Variants in TMPRSS6 observed in about 807,000 individuals in gnomAD.
TMPRSS6 encodes transmembrane serine protease 6, also known as transmembrane protease serine 6.
Under a neutral mutation model 101.5 loss-of-function variants are expected in TMPRSS6, and 67 were observed. That is an observed-to-expected ratio of 0.66 (90% CI 0.54 to 0.81). TMPRSS6 has a LOEUF of 0.81. Ranked by LOEUF, TMPRSS6 falls within the 30% of genes least tolerant of loss-of-function variation. The pLI, the probability that TMPRSS6 is intolerant of heterozygous loss-of-function variation, is 0.00. For missense variants in TMPRSS6, 1,034 were observed against 1,088.7 expected (o/e 0.95, Z 0.71); for synonymous variants, 453 against 464.9 (o/e 0.97, Z 0.33).
intron 6 of TMPRSS6, among the ~76,000 whole-genome samples, chr22:37,092,157 C>A (rs1438189198): frequency 3.3e-5 from 5 of 150,920 alleles, no homozygotes; most frequent in Non-Finnish European, 7.4e-5. Flanking sequence ...ATCAGAAACA[C>A]CTTCAGGGAG....
rs184024899 is a variant in TMPRSS6, at chr22:37,070,922, G to T, written c.1666C>A (p.His556Asn). ...GCAGCCAGGCAGGGCTCACCACAGT[G>T]CTCCTCATCCGAGCCGTCCCTGCAG... ...PDCRDGSDEE[H>N]CDCGLQGPSS... The change falls in exon 14 of 18, where the codon CAC becomes AAC. Residue 556 changes from histidine (H) to asparagine (N), a missense_variant. Physicochemically the swap from His to Asn is moderately conservative, Grantham distance 68. Transcript: ENST00000676104. 1 of 1,612,982 alleles carries T rather than the reference G, an allele frequency of 6.2e-7. No homozygotes were observed. The highest frequency in any genetic ancestry group is 8.5e-7 in the Non-Finnish European group (1 of 1,179,962).
upstream of TMPRSS6, among the ~76,000 whole-genome samples, chr22:37,109,744 A>AAG (rs919975038): frequency 1.2e-4 from 18 of 152,160 alleles, no homozygotes; most frequent in African/African-American, 4.3e-4. Context: ...GAGGTAGGAG[A>AAG]AGGCAGTGCC....
At chr22:37,089,881 G>C in intron 6 of TMPRSS6, 99 bp from the exon 7 acceptor site, 1 of 1,255,770 alleles carries the variant, frequency 8.0e-7, no homozygotes, top group Non-Finnish European at 1.1e-6. Context: ...AGGCAGGATG[G>C]GCTGGGCAGG....
chr22:37,084,098 C>T lies in TMPRSS6; in HGVS notation c.1196+197G>A, dbSNP rs557343746. 281 of 621,606 alleles carry T rather than the reference C, an allele frequency of 4.5e-4. 2 individuals carry two copies. Among genetic ancestry groups the T allele is most frequent in the South Asian group, 3.9e-3 (197 of 51,120 alleles). 38.5% of individuals were successfully genotyped at this position (621,606 alleles called of 1,614,324 possible). On this transcript the variant is annotated intron_variant, in intron 10 of 17. Coordinates refer to ENST00000676104, the MANE Select transcript of TMPRSS6 (RefSeq NM_001374504.1). ...CCTCTGGGGTAGCCAGAGGGGAAGC[C>T]GGGGCCAGGGCGGAGGCTGGGACGA...
intron 13 of TMPRSS6, among the ~76,000 whole-genome samples, chr22:37,072,678 ATGATGGATGGATGGG>A (rs1927186728): frequency 1.6e-5 from 2 of 122,742 alleles, no homozygotes; most frequent in African/African-American, 8.2e-5. Flanking sequence ...GGATGGATGG[ATGATGGATGGATGGG>A]TGATGGACGG....
chr22:37,088,605 AC>A (rs927132125), intron 7 of TMPRSS6, among the ~76,000 whole-genome samples: 4 of 143,662 alleles, frequency 2.8e-5, no homozygotes, highest in Non-Finnish European at 6.1e-5. Flanking sequence ...CCTCCTCCCC[AC>A]CCCCAACCAC....
At chr22:37,086,490 G>C in intron 7 of TMPRSS6, 71 bp from the exon 8 acceptor site, 1 of 1,514,616 alleles carries the variant, frequency 6.6e-7, no homozygotes, top group South Asian at 1.2e-5. Context: ...GCGGCAGGCG[G>C]CTGCTGGGGG....
rs1930540109 is a variant in TMPRSS6, at chr22:37,103,797, T to G, written c.-1-379A>C. 1.7e-6 allele frequency: 1 copy of G among 595,110 alleles called. No homozygotes were observed. The highest frequency in any genetic ancestry group is 2.9e-5 in the East Asian group (1 of 35,040). 36.9% of individuals were successfully genotyped at this position (595,110 alleles called of 1,614,324 possible). On this transcript the variant is annotated intron_variant, in intron 1 of 17. Transcript: ENST00000676104. This position sits in a 1 kb window ranked among gnomAD's most constrained non-coding sequence, Gnocchi z 4.4. ...TGCAGACTTCTGTAGACATCTGACCTCTTGCCCTCATTTCCCGTCCACGCA... is the reference window on the plus strand; with the variant it reads ...TGCAGACTTCTGTAGACATCTGACCGCTTGCCCTCATTTCCCGTCCACGCA...
chr22:37,066,890 C>T lies in TMPRSS6; in HGVS notation c.2186G>A (p.Arg729His), dbSNP rs565147556. ...CAGCATGCGTGGCGTCACCTGGTAG[C>T]GATAGACCTCGCTGCACAGGTCCTG... ...IPQDLCSEVYRYQVTPRMLCA... is the reference protein window; with the variant it reads ...IPQDLCSEVYHYQVTPRMLCA... The change falls in exon 17 of 18, where the codon CGC (arginine) becomes CAC (histidine). Residue 729 changes from arginine (R) to histidine (H), a missense_variant. Physicochemically the swap from Arg to His is conservative, Grantham distance 29. Coordinates refer to ENST00000676104, the MANE Select transcript of TMPRSS6 (RefSeq NM_001374504.1). 1.8e-5 allele frequency: 29 copies of T among 1,614,166 alleles called. No individual in the cohort carries two copies. Among genetic ancestry groups the T allele is most frequent in the East Asian group, 1.8e-4 (8 of 44,886 alleles).
At chr22:37,092,922 C>T (rs374888976) in intron 6 of TMPRSS6, among the ~76,000 whole-genome samples, 43 of 152,340 alleles carry the variant, frequency 2.8e-4, no homozygotes, top group African/African-American at 9.6e-4. Flanking sequence ...TGCTTTGGAA[C>T]GAACAATTCC....
intron 14 of TMPRSS6, 25 bp from the exon 15 acceptor site, chr22:37,070,677 G>GTGGA: frequency 4.4e-6 from 7 of 1,607,928 alleles, no homozygotes; most frequent in Non-Finnish European, 5.9e-6. Context: ...AGGTGGTGGG[G>GTGGA]TGGACAGAGG....
intron 15 of TMPRSS6, 67 bp downstream of exon 15, chr22:37,070,417 G>A: frequency 6.3e-7 from 1 of 1,592,998 alleles, no homozygotes; most frequent in South Asian, 1.1e-5. Context: ...CAGACACAGT[G>A]CACCTCCCAC....
intron 8 of TMPRSS6, 111 bp from the exon 9 acceptor site, chr22:37,084,950 G>A (rs188992906): frequency 1.3e-6 from 1 of 789,464 alleles, no homozygotes; most frequent in African/African-American, 1.7e-5. Context: ...AAATTGCTGT[G>A]GTTGAATGTG....
At chr22:37,095,485 C>T (rs1929660999) in intron 6 of TMPRSS6, 66 bp downstream of exon 6, 2 of 1,593,262 alleles carry the variant, frequency 1.3e-6, no homozygotes, top group African/African-American at 1.4e-5. Flanking sequence ...CCCCCTGATA[C>T]ACAACAAAGT....
At chr22:37,098,682 G>GTCA (rs912580156) in intron 2 of TMPRSS6, 133 bp from the exon 3 acceptor site, 2 of 1,125,856 alleles carry the variant, frequency 1.8e-6, no homozygotes, top group Non-Finnish European at 2.7e-6. Context: ...CACCATCAAT[G>GTCA]TCATCATCAT....
intron 10 of TMPRSS6, among the ~76,000 whole-genome samples, chr22:37,078,973 A>AAAAGAAAAGAAAGAAAG (rs1555888511): frequency 9.4e-6 from 1 of 106,510 alleles, no homozygotes; most frequent in Non-Finnish European, 1.9e-5. Context: ...GAAAGAAAGA[A>AAAAGAAAAGAAAGAAAG]AAAGAAAGAA....
In TMPRSS6 at chr22:37,094,428, T is replaced by TAGATAGATAGAG. The variant is rs1555891517; in HGVS notation, c.631+1122_631+1123insCTCTATCTATCT. On this transcript the variant is annotated intron_variant, in intron 6 of 17. Transcript: ENST00000676104. ...ATAGATAGATAGATAGATAGATAGA[T>TAGATAGATAGAG]ATAAACAGACAGCTAGCTAGCTAGA... is the stretch of plus-strand genomic sequence containing the variant. 3.4e-3 allele frequency among the ~76,000 whole-genome samples: 457 copies of TAGATAGATAGAG among 136,218 alleles called. 4 individuals carry two copies. The highest frequency in any genetic ancestry group is 4.0e-3 in the Admixed American group (56 of 14,014). 89.4% of individuals were successfully genotyped at this position (136,218 alleles called of 152,430 possible). A position where few individuals can be genotyped will look rare whatever the true frequency, so the allele number is the denominator to read the frequency against.
At chr22:37,107,202 G>T (rs1209475099) in intron 1 of TMPRSS6, among the ~76,000 whole-genome samples, 1 of 152,176 alleles carries the variant, frequency 6.6e-6, no homozygotes, top group Non-Finnish European at 1.5e-5. Context: ...GGCCTGTGGG[G>T]TCCCAGGTTC....
chr22:37,097,824 G>A (rs1371392367), intron 3 of TMPRSS6, among the ~76,000 whole-genome samples: 84 of 118,386 alleles, frequency 7.1e-4, no homozygotes, highest in African/African-American at 2.8e-3. Flanking sequence ...AGCGGCCACC[G>A]TCCTGTAACG....
Sources: gnomAD v4.1 joint callset for allele counts (sites outside exome capture counted in the v4.1 genomes callset) on GRCh38, gnomAD v4.1.1 for gene constraint, Gnocchi (gnomAD v3.1) non-coding constraint, MANE v1.5 for transcripts, NCBI Gene and HGNC (gene_info 2026-07-23, HGNC 2026-07-21) for gene names.